DYRK2: variants seen among roughly 807,000 people sequenced by gnomAD.
The protein encoded by DYRK2 is dual specificity tyrosine-phosphorylation-regulated kinase 2.
In DYRK2, 12 loss-of-function variants were observed where a neutral mutation model predicts 41.6. The ratio of observed to expected loss-of-function variants is 0.29; its 90% CI spans 0.18 to 0.47. The LOEUF (loss-of-function observed/expected upper bound fraction) is 0.47. Among genes scored for constraint, DYRK2 ranks in the 20% least tolerant of loss-of-function variants. The pLI is 1.00. For missense variants in DYRK2, 678 were observed against 798.4 expected (o/e 0.85, Z 1.82); for synonymous variants, 322 against 315.7 (o/e 1.02, Z -0.21).
Position 67,657,157 on chromosome 12 carries a change from G to T in DYRK2, c.250G>T (p.Ala84Ser), listed in dbSNP as rs775477051. 1 of 1,594,140 alleles carries T rather than the reference G, an allele frequency of 6.3e-7. No homozygotes were observed. The highest frequency in any genetic ancestry group is 8.5e-7 in the Non-Finnish European group (1 of 1,170,136). The change falls in exon 3 of 3, where the codon GCT (alanine) becomes TCT (serine). Residue 84 changes from alanine to serine, a missense_variant. Around this residue, in one of 2 missense-constraint regions of DYRK2, gnomAD observed 285 missense variants for 279.2 expected, o/e 1.02. Coordinates refer to ENST00000344096, the MANE Select transcript of DYRK2 (RefSeq NM_006482.3). This position sits in a 1 kb window ranked among gnomAD's most constrained non-coding sequence, Gnocchi z 4.8. ...MNDHLHVGSH[A>S]HGQIQVQQLF... ...TGATCACCTGCATGTCGGCAGCCAC[G>T]CTCACGGACAGATCCAGGTTCAACA...
chr12:67,654,899 C>T (rs958665424), intron 2 of DYRK2, among the ~76,000 whole-genome samples: 5 of 152,122 alleles, frequency 3.3e-5, no homozygotes, highest in Non-Finnish European at 7.4e-5. Context: ...TGCTGAAGCC[C>T]TGGCTGTGTT....
At position 67,662,211 on chromosome 12, in the gene DYRK2, T is replaced by C. The variant is rs554583641; in HGVS notation, c.*3498T>C. The C allele has an allele frequency of 4.8e-5, 8 of 167,106 alleles. No individual in the cohort carries two copies. Among genetic ancestry groups the C allele is most frequent in the African/African-American group, 1.9e-4 (8 of 41,556 alleles). The allele number at this position is 167,106 out of a possible 1,614,324, so 10.4% of individuals were successfully genotyped here. On this transcript the variant is annotated 3_prime_UTR_variant, in exon 3 of 3. Transcript: ENST00000344096. ...CTGGTCTCGGTAAAGGTTTTAATAT[T>C]GCCCAACATAATGCTGTAATAGCAT... is the stretch of plus-strand genomic sequence containing the variant.
chr12:67,652,516 C>T (rs546780774), intron 2 of DYRK2: 2 of 152,210 alleles, frequency 1.3e-5, no homozygotes, highest in East Asian at 1.9e-4. Context: ...CACAGACTGT[C>T]AGAATGTTTG....
intron 2 of DYRK2, among the ~76,000 whole-genome samples, chr12:67,651,083 A>G (rs1003118252): frequency 2.0e-5 from 3 of 152,124 alleles, no homozygotes; most frequent in Non-Finnish European, 2.9e-5. Flanking sequence ...TGCTGTTACT[A>G]TCTTCCCCCT....
At chr12:67,655,527 T>G (rs1398134462) in intron 2 of DYRK2, among the ~76,000 whole-genome samples, 1 of 152,204 alleles carries the variant, frequency 6.6e-6, no homozygotes, top group Non-Finnish European at 1.5e-5. Context: ...GCTACTCTTA[T>G]TGAATATAAG....
At position 67,662,300 on chromosome 12, in the gene DYRK2, A is replaced by G. The variant is rs1438619793; in HGVS notation, c.*3587A>G. The G allele has an allele frequency of 6.0e-6, 1 of 166,992 alleles. No homozygotes were observed. Among genetic ancestry groups the G allele is most frequent in the African/African-American group, 2.4e-5 (1 of 41,422 alleles). 10.3% of individuals were successfully genotyped at this position (166,992 alleles called of 1,614,324 possible). Reference sequence around the variant, plus strand: ...GTACATCTCTCTGCTATGGACATACATAAAATTAATTGTAATTATACTCAG... The same window carrying G: ...GTACATCTCTCTGCTATGGACATACGTAAAATTAATTGTAATTATACTCAG... On this transcript the variant is annotated 3_prime_UTR_variant, in exon 3 of 3. Transcript: ENST00000344096.
Position 67,657,163 on chromosome 12 carries a change from G to A in DYRK2, c.256G>A (p.Gly86Arg), listed in dbSNP as rs376836219. The change falls in exon 3 of 3, where the codon GGA (glycine) becomes AGA (arginine). Residue 86 changes from glycine (G) to arginine (R), a missense_variant. By Grantham distance (125) the Gly-to-Arg change is moderately radical. This residue lies in a region of DYRK2 where 285 missense variants were observed against 279.2 expected (regional missense o/e 1.02). Coordinates refer to ENST00000344096, the MANE Select transcript of DYRK2 (RefSeq NM_006482.3). The surrounding 1 kb of genome is among the most constrained non-coding windows in gnomAD (Gnocchi z 4.8). The part of the protein sequence containing the change: ...DHLHVGSHAH[G>R]QIQVQQLFED... ...CCTGCATGTCGGCAGCCACGCTCAC[G>A]GACAGATCCAGGTTCAACAGTTGTT... The A allele has an allele frequency of 5.0e-6, 8 of 1,607,602 alleles. No individual in the cohort carries two copies. Among genetic ancestry groups the A allele is most frequent in the African/African-American group, 2.7e-5 (2 of 74,712 alleles).
At position 67,658,334 on chromosome 12, in the gene DYRK2, T is replaced by A; in HGVS notation, c.1427T>A (p.Val476Asp). ...ACGACTCTCTCAGATGGCTCTGTGG[T>A]CCTAAACGGAGGCCGTTCCCGGAGG... ...TVTTLSDGSV[V>D]LNGGRSRRGK... The change falls in exon 3 of 3, where the codon GTC becomes GAC. Residue 476 changes from valine (V) to aspartate (D), a missense_variant. Val to Asp is a radical substitution (Grantham distance 152). Around this residue, in one of 2 missense-constraint regions of DYRK2, gnomAD observed 393 missense variants for 519.1 expected, o/e 0.76. Coordinates refer to ENST00000344096, the MANE Select transcript of DYRK2 (RefSeq NM_006482.3). This position sits in a 1 kb window ranked among gnomAD's most constrained non-coding sequence, Gnocchi z 4.3. 1.9e-6 allele frequency: 3 copies of A among 1,613,510 alleles called. No individual in the cohort carries two copies.
At chr12:67,656,558 A>T (rs1170137190) in intron 2 of DYRK2, among the ~76,000 whole-genome samples, 1 of 152,230 alleles carries the variant, frequency 6.6e-6, no homozygotes, top group Non-Finnish European at 1.5e-5. Context: ...TCACTGGATC[A>T]TGTGTGCACT....
Position 67,657,963 on chromosome 12 carries a change from G to A in DYRK2, c.1056G>A (p.Glu352=), listed in dbSNP as rs766634835. The A allele has an allele frequency of 2.3e-5, 37 of 1,614,120 alleles. No individual in the cohort carries two copies. Among genetic ancestry groups the A allele is most frequent in the Non-Finnish European group, 3.1e-5 (37 of 1,180,054 alleles). The change falls in exon 3 of 3, where the codon GAG becomes GAA. Residue 352 remains glutamate (E), a synonymous_variant. Transcript: ENST00000344096. The surrounding 1 kb of genome is among the most constrained non-coding windows in gnomAD (Gnocchi z 4.8). ...NRIIHCDLKP[E]NILLKQQGRS... ...TAATTCACTGTGACCTTAAGCCCGA[G>A]AACATTTTGTTAAAGCAGCAGGGTA...
rs755271105 is a variant in DYRK2, at chr12:67,660,827, A to G, written c.*2114A>G. On this transcript the variant is annotated 3_prime_UTR_variant, in exon 3 of 3. Coordinates refer to ENST00000344096, the MANE Select transcript of DYRK2 (RefSeq NM_006482.3). Reference sequence around the variant, plus strand: ...GTCATTAAATCAATAAAAACATATAATGCTGTTTTGCTCTTCTAATGCTCC... The same window carrying G: ...GTCATTAAATCAATAAAAACATATAGTGCTGTTTTGCTCTTCTAATGCTCC... The G allele has an allele frequency of 6.0e-6, 1 of 166,888 alleles. No homozygotes were observed. The highest frequency in any genetic ancestry group is 1.5e-5 in the Non-Finnish European group (1 of 68,106). 10.3% of individuals were successfully genotyped at this position (166,888 alleles called of 1,614,324 possible).
Position 67,651,582 on chromosome 12 carries a change from A to G in DYRK2, c.198+1637A>G, listed in dbSNP as rs1429046110. On this transcript the variant is annotated intron_variant, in intron 2 of 2. Coordinates refer to ENST00000344096, the MANE Select transcript of DYRK2 (RefSeq NM_006482.3). ...ATGGAGGCCTGTATTTTGCTGTGGC[A>G]TATGCCAGATTTACTTGTTTTTAAC... is the stretch of plus-strand genomic sequence containing the variant. The G allele has an allele frequency of 1.3e-5, 6 of 456,090 alleles. No homozygotes were observed. The Admixed American group carries it at 1.4e-4, about 11-fold the overall frequency. 28.3% of individuals were successfully genotyped at this position (456,090 alleles called of 1,614,324 possible).
intron 2 of DYRK2, 68 bp downstream of exon 2, chr12:67,650,013 C>T (rs1419119987): frequency 2.4e-6 from 3 of 1,271,378 alleles, no homozygotes; most frequent in African/African-American, 3.1e-5. Flanking sequence ...AGCACCCGGA[C>T]TTGGAGGGGT....
chr12:67,653,637 T>C (rs1430751641), intron 2 of DYRK2, among the ~76,000 whole-genome samples: 3 of 152,242 alleles, frequency 2.0e-5, no homozygotes, highest in East Asian at 3.8e-4. Flanking sequence ...GGGACGTTTC[T>C]TAATTCCCTG....
chr12:67,649,234 G>T, intron 1 of DYRK2, 52 bp downstream of exon 1: 1 of 1,364,254 alleles, frequency 7.3e-7, no homozygotes, highest in Non-Finnish European at 9.6e-7. Flanking sequence ...CCGGCCCTGG[G>T]CAGCCCCTGT....
chr12:67,652,544 CA>C (rs1872350420), intron 2 of DYRK2: 1 of 152,084 alleles, frequency 6.6e-6, no homozygotes, highest in Admixed American at 6.6e-5. Context: ...GCTAAAATTC[CA>C]GTCTTTTTGG....
chr12:67,657,423 C>A lies in DYRK2; in HGVS notation c.516C>A (p.His172Gln). Reference sequence around the variant, plus strand: ...TGCAAAAACTCACAGCCTTCGAACACCATGAGATTTTCAGCTACCCTGAAA... The same window carrying A: ...TGCAAAAACTCACAGCCTTCGAACAACATGAGATTTTCAGCTACCCTGAAA... The part of the protein sequence containing the change: ...QYMQKLTAFE[H>Q]HEIFSYPEIY... Residue 172 changes from histidine to glutamine, a missense_variant, in exon 3 of 3, where the codon CAC becomes CAA. This residue lies in a region of DYRK2 where 285 missense variants were observed against 279.2 expected (regional missense o/e 1.02). Transcript: ENST00000344096. This position sits in a 1 kb window ranked among gnomAD's most constrained non-coding sequence, Gnocchi z 4.8. 6.2e-7 allele frequency: 1 copy of A among 1,614,160 alleles called. No individual in the cohort carries two copies. The highest frequency in any genetic ancestry group is 8.5e-7 in the Non-Finnish European group (1 of 1,180,032).
chr12:67,649,662 GT>G, intron 1 of DYRK2, 134 bp from the exon 2 acceptor site: 1 of 1,080,906 alleles, frequency 9.3e-7, no homozygotes, highest in Non-Finnish European at 1.2e-6. Context: ...CCGAACGCCC[GT>G]TTTTACTGCC....
Position 67,649,900 on chromosome 12 carries a change from C to G in DYRK2, c.153C>G (p.Ala51=), listed in dbSNP as rs1872262144. Residue 51 remains alanine, a synonymous_variant, in exon 2 of 3, where the codon GCC becomes GCG. Transcript: ENST00000344096. ...GGACTGGCCCGCCCTCCCCCATCGC[C>G]CTGCCGCCTCTCCGGGCCAGCAACG... ...GVGTGPPSPI[A]LPPLRASNAA... is the part of the protein sequence containing the mutation. 1 of 1,387,392 alleles carries G rather than the reference C, an allele frequency of 7.2e-7. No homozygotes were observed. Among genetic ancestry groups the G allele is most frequent in the Non-Finnish European group, 9.3e-7 (1 of 1,077,202 alleles). 85.9% of individuals were successfully genotyped at this position (1,387,392 alleles called of 1,614,324 possible).
Sources: allele counts gnomAD v4.1 joint callset (sites outside exome capture counted in the v4.1 genomes callset), GRCh38; gene constraint gnomAD v4.1.1; regional missense constraint gnomAD v4.1.1; non-coding constraint Gnocchi (gnomAD v3.1); transcripts MANE v1.5; gene names NCBI Gene and HGNC (gene_info 2026-07-23, HGNC 2026-07-21).